The following IHH variants were observed in gnomAD, a reference collection of about 807,000 sequenced individuals.
The protein encoded by IHH is indian hedgehog protein.
In IHH, 9 loss-of-function variants were observed where a neutral mutation model predicts 29.4. The observed-to-expected ratio is 0.31, with a 90% confidence interval of 0.18 to 0.53. IHH has a LOEUF of 0.53. Among genes scored for constraint, IHH ranks in the 20% least tolerant of loss-of-function variants. IHH has a pLI of 0.95. For synonymous variants in IHH, 254 were observed against 252.7 expected (o/e 1.01, Z -0.05); for missense variants, 454 against 578.1 (o/e 0.79, Z 2.20).
intron 1 of IHH, 54 bp from the exon 2 acceptor site, chr2:219,057,748 G>C: frequency 1.3e-6 from 2 of 1,596,536 alleles, no homozygotes; most frequent in Non-Finnish European, 1.7e-6. Flanking sequence ...CGGAGGAGCC[G>C]GCCGAGGTGC....
intron 1 of IHH, chr2:219,058,853 T>A (rs900047586): frequency 3.2e-5 from 5 of 154,778 alleles, no homozygotes; most frequent in African/African-American, 1.2e-4. Context: ...GACTCAGCCT[T>A]CCTAGGAGCC....
rs573268195 is a variant in IHH, at chr2:219,057,348, C to T, written c.577+85G>A. The T allele has an allele frequency of 7.1e-6, 10 of 1,401,728 alleles. No individual in the cohort carries two copies. In the East Asian group the frequency reaches 1.5e-4, roughly 21 times the overall value. 86.8% of individuals were successfully genotyped at this position (1,401,728 alleles called of 1,614,324 possible). On this transcript the variant is annotated intron_variant, in intron 2 of 2. Coordinates refer to ENST00000295731, the MANE Select transcript of IHH (RefSeq NM_002181.4). ...CCGGATCCCTGCCTCCATCCCCGGG[C>T]GGGCTCTTCACCTTCTCGGCACTAC...
chr2:219,054,839 C>T lies in IHH; in HGVS notation c.*368G>A, dbSNP rs776716315. ...GGGAATTTAGCAGCATCAACTGAGG[C>T]GCAAGCCCACCCAAAGGGGCCTAAG... On this transcript the variant is annotated 3_prime_UTR_variant, in exon 3 of 3. Coordinates refer to ENST00000295731, the MANE Select transcript of IHH (RefSeq NM_002181.4). 11 of 259,444 alleles carry T rather than the reference C, an allele frequency of 4.2e-5. No homozygotes were observed. The highest frequency in any genetic ancestry group is 3.4e-4 in the South Asian group (6 of 17,568). The allele number at this position is 259,444 out of a possible 1,614,324, so 16.1% of individuals were successfully genotyped here.
chr2:219,055,156 A>G lies in IHH; in HGVS notation c.*51T>C. ...CAGGGCCAGCTCCCTCCTGGCTGAG[A>G]GGCTTCTGGACCCAGTACAGCAGTT... On this transcript the variant is annotated 3_prime_UTR_variant, in exon 3 of 3. Coordinates refer to ENST00000295731, the MANE Select transcript of IHH (RefSeq NM_002181.4). 6.5e-7 allele frequency: 1 copy of G among 1,542,256 alleles called. No homozygotes were observed. The highest frequency in any genetic ancestry group is 1.2e-5 in the South Asian group (1 of 83,814).
Position 219,060,563 on chromosome 2 carries a change from T to G in IHH, c.-96A>C. The G allele has an allele frequency of 1.2e-6, 1 of 862,406 alleles. No individual in the cohort carries two copies. The highest frequency in any genetic ancestry group is 1.6e-6 in the Non-Finnish European group (1 of 631,336). The allele number at this position is 862,406 out of a possible 1,614,324, so 53.4% of individuals were successfully genotyped here. The stretch of plus-strand genomic sequence containing the variant: ...CGCTGCGGGGGCTCAGGCGTCCGGG[T>G]GGCTCCGGGGGGCTCCAGGCGGGGG... On this transcript the variant is annotated 5_prime_UTR_variant, in exon 1 of 3. Transcript: ENST00000295731. The surrounding 1 kb of genome is among the most constrained non-coding windows in gnomAD (Gnocchi z 8.8).
intron 2 of IHH, among the ~76,000 whole-genome samples, chr2:219,056,768 G>A (rs1379079076): frequency 1.3e-5 from 2 of 152,154 alleles, no homozygotes; most frequent in Admixed American, 1.3e-4. Flanking sequence ...TCCATGGCTG[G>A]GTTCAGTGTA....
chr2:219,058,870 A>G (rs995704281), intron 1 of IHH: 2 of 155,204 alleles, frequency 1.3e-5, no homozygotes, highest in Non-Finnish European at 2.9e-5. Flanking sequence ...AGCCAATAGC[A>G]GCTACAACCC....
chr2:219,055,741 C>T lies in IHH; in HGVS notation c.702G>A (p.Glu234=), dbSNP rs201051352. The part of the protein sequence containing the change: ...RPGDRVLAMG[E]DGSPTFSDVL... ...CATCGCTGAAGGTGGGGCTCCCATC[C>T]TCCCCCATGGCCAGCACACGGTCTC... Residue 234 remains glutamate (E), a synonymous_variant, in exon 3 of 3, where the codon GAG becomes GAA. Coordinates refer to ENST00000295731, the MANE Select transcript of IHH (RefSeq NM_002181.4). The T allele has an allele frequency of 1.4e-4, 223 of 1,613,722 alleles. No individual in the cohort carries two copies. Among genetic ancestry groups the T allele is most frequent in the Non-Finnish European group, 1.8e-4 (210 of 1,179,996 alleles).
chr2:219,056,089 C>T (rs1948828514), intron 2 of IHH, among the ~76,000 whole-genome samples: 1 of 152,102 alleles, frequency 6.6e-6, no homozygotes, highest in Non-Finnish European at 1.5e-5. Flanking sequence ...CCCCCCTCCC[C>T]AGCCTAATAC....
chr2:219,060,471 CG>C lies in IHH; in HGVS notation c.-5del, dbSNP rs752233315. 66 of 1,471,890 alleles carry C rather than the reference CG, an allele frequency of 4.5e-5. No homozygotes were observed. The African/African-American group carries it at 8.3e-4, about 18-fold the overall frequency. 91.2% of individuals were successfully genotyped at this position (1,471,890 alleles called of 1,614,324 possible). ...GCCGGAGCCGGGCGGGAGACATGGC[CG>C]GGGAGCCCGGGGGAGCGGCGGGCGA... is the stretch of plus-strand genomic sequence containing the variant. On this transcript the variant is annotated 5_prime_UTR_variant, in exon 1 of 3. Transcript: ENST00000295731. The surrounding 1 kb of genome is among the most constrained non-coding windows in gnomAD (Gnocchi z 8.8).
chr2:219,055,474 G>T lies in IHH; in HGVS notation c.969C>A (p.His323Gln), dbSNP rs76578869. ...GCGGGGCGTAGGCCCCGAGGGCCAC[G>T]TGTGTAGAGACAGCTGCCACGCGGG... ...QPARVAAVSTHVALGAYAPLT... is the reference protein window; with the variant it reads ...QPARVAAVSTQVALGAYAPLT... The change falls in exon 3 of 3, where the codon CAC becomes CAA. Residue 323 changes from histidine (H) to glutamine (Q), a missense_variant. Physicochemically the swap from His to Gln is conservative, Grantham distance 24 (BLOSUM62 0). Around this residue, in one of 3 missense-constraint regions of IHH, gnomAD observed 271 missense variants for 315.9 expected, o/e 0.86. Coordinates refer to ENST00000295731, the MANE Select transcript of IHH (RefSeq NM_002181.4). 6.2e-7 allele frequency: 1 copy of T among 1,610,530 alleles called. No individual in the cohort carries two copies. Among genetic ancestry groups the T allele is most frequent in the Non-Finnish European group, 8.5e-7 (1 of 1,178,086 alleles).
Position 219,055,347 on chromosome 2 carries a change from G to C in IHH, c.1096C>G (p.Leu366Val). ...LAQLAFWPLR[L>V]FHSLAWGSWT... is the part of the protein sequence containing the mutation. ...CTGCCCCATGCCAAGCTGTGAAAGA[G>C]TCTCAGGGGCCAGAAGGCCAACTGA... Residue 366 changes from leucine (L) to valine (V), a missense_variant, in exon 3 of 3, where the codon CTC becomes GTC. Transcript: ENST00000295731. The C allele has an allele frequency of 6.2e-7, 1 of 1,613,312 alleles. No individual in the cohort carries two copies. Among genetic ancestry groups the C allele is most frequent in the Non-Finnish European group, 8.5e-7 (1 of 1,180,038 alleles).
Position 219,054,881 on chromosome 2 carries a change from C to A in IHH, c.*326G>T. 1 of 360,198 alleles carries A rather than the reference C, an allele frequency of 2.8e-6. No individual in the cohort carries two copies. Among genetic ancestry groups the A allele is most frequent in the South Asian group, 3.3e-5 (1 of 30,340 alleles). The allele number at this position is 360,198 out of a possible 1,614,324, so 22.3% of individuals were successfully genotyped here. On this transcript the variant is annotated 3_prime_UTR_variant, in exon 3 of 3. Coordinates refer to ENST00000295731, the MANE Select transcript of IHH (RefSeq NM_002181.4). ...GGGCCTAAGATGGATGGAATGGGCC[C>A]TCCCCAATGGGGGAGGCAGAGTATG...
rs1283375435 is a variant in IHH at position 219,060,733 on chromosome 2, G to A, written c.-266C>T. ...CTCGCCGGCCGCCAATAAATAGGCC[G>A]GCCCGTTTGTTTTGGCAACGCGGCG... On this transcript the variant is annotated 5_prime_UTR_variant, in exon 1 of 3. Transcript: ENST00000295731. The surrounding 1 kb of genome is among the most constrained non-coding windows in gnomAD (Gnocchi z 8.8). Among the ~76,000 whole-genome samples the A allele has an allele frequency of 1.3e-5, 2 of 149,882 alleles. No individual in the cohort carries two copies. The highest frequency in any genetic ancestry group is 2.4e-5 in the African/African-American group (1 of 41,126).
In IHH at chr2:219,057,430, C is replaced by T. The variant is rs780845880; in HGVS notation, c.577+3G>A. 65 of 1,563,600 alleles carry T rather than the reference C, an allele frequency of 4.2e-5. No individual in the cohort carries two copies. The East Asian group carries it at 8.4e-4, about 20-fold the overall frequency. On this transcript the variant is annotated splice_donor_region_variant and intron_variant, in intron 2 of 2. Transcript: ENST00000295731. The stretch of plus-strand genomic sequence containing the variant: ...CGGGCCCAGCCCCCCGGCGGCGGCT[C>T]ACCGGACTTGACGGAGCAATGCACG...
intron 1 of IHH, among the ~76,000 whole-genome samples, chr2:219,058,343 G>C (rs1020868278): frequency 6.6e-6 from 1 of 152,192 alleles, no homozygotes; most frequent in Admixed American, 6.5e-5. Context: ...TCTTAAACCG[G>C]CCCACAACCC....
In IHH at chr2:219,060,094, G is replaced by C. The variant is rs1035851930; in HGVS notation, c.315+59C>G. ...GAGAAAATGTGCCAGGGGGTGGGTAGGGCCGGGCAGGTGGCCGTGCTTCGG... is the reference window on the plus strand; with the variant it reads ...GAGAAAATGTGCCAGGGGGTGGGTACGGCCGGGCAGGTGGCCGTGCTTCGG... On this transcript the variant is annotated intron_variant, in intron 1 of 2. Coordinates refer to ENST00000295731, the MANE Select transcript of IHH (RefSeq NM_002181.4). This position sits in a 1 kb window ranked among gnomAD's most constrained non-coding sequence, Gnocchi z 8.8. 33 of 1,456,368 alleles carry C rather than the reference G, an allele frequency of 2.3e-5. No individual in the cohort carries two copies. The African/African-American group carries it at 4.2e-4, about 18-fold the overall frequency. 90.2% of individuals were successfully genotyped at this position (1,456,368 alleles called of 1,614,324 possible).
chr2:219,057,970 G>T (rs1360562557), intron 1 of IHH, among the ~76,000 whole-genome samples: 1 of 152,318 alleles, frequency 6.6e-6, no homozygotes, highest in East Asian at 1.9e-4. Context: ...TTCACTGGTA[G>T]GTGGAGGTCC....
intron 1 of IHH, among the ~76,000 whole-genome samples, chr2:219,057,975 A>C (rs958463961): frequency 3.3e-5 from 5 of 152,150 alleles, no homozygotes; most frequent in Non-Finnish European, 5.9e-5. Context: ...TGGTAGGTGG[A>C]GGTCCCCTCT....
Sources: allele counts gnomAD v4.1 joint callset (sites outside exome capture counted in the v4.1 genomes callset), GRCh38; gene constraint gnomAD v4.1.1; regional missense constraint gnomAD v4.1.1; non-coding constraint Gnocchi (gnomAD v3.1); transcripts MANE v1.5; gene names NCBI Gene and HGNC (gene_info 2026-07-23, HGNC 2026-07-21).